The following OTOA variants were observed in gnomAD, a reference collection of about 807,000 sequenced individuals.
OTOA encodes the protein cancer/testis antigen 108.
A neutral mutation model predicts 110.8 loss-of-function variants in OTOA; 70 were observed. The ratio of observed to expected loss-of-function variants is 0.63; its 90% CI spans 0.52 to 0.77. The LOEUF (loss-of-function observed/expected upper bound fraction) is 0.77. OTOA is among the 30% of genes least tolerant of loss of function. The pLI, the probability that OTOA is intolerant of heterozygous loss-of-function variation, is 0.00. For missense variants in OTOA, 917 were observed against 1,075.8 expected, an observed-to-expected ratio of 0.85 and a Z score of 2.06; for synonymous variants, 373 against 431.5, an observed-to-expected ratio of 0.86 and a Z score of 1.68.
chr16:21,756,742 T>A (rs1338427226), intron 27 of OTOA, among the ~76,000 whole-genome samples: 1 of 151,946 alleles, frequency 6.6e-6, no homozygotes, highest in Non-Finnish European at 1.5e-5. Context: ...TCTCTTTTTT[T>A]TCCAAGAGGC....
intron 28 of OTOA, among the ~76,000 whole-genome samples, chr16:21,759,368 G>C (rs1268574574): frequency 6.6e-6 from 1 of 152,072 alleles, no homozygotes; most frequent in Admixed American, 6.5e-5. Context: ...TACTTTGGAG[G>C]GAGTTCTGTA....
chr16:21,720,911 T>TATTATTATTATC (rs1373017007), intron 17 of OTOA, among the ~76,000 whole-genome samples: 1 of 149,396 alleles, frequency 6.7e-6, no homozygotes, highest in Non-Finnish European at 1.5e-5. Flanking sequence ...TTATTATTAT[T>TATTATTATTATC]ATTATTATTA....
intron 13 of OTOA, among the ~76,000 whole-genome samples, chr16:21,710,710 A>G (rs537485910): frequency 3.3e-5 from 5 of 152,280 alleles, no homozygotes; most frequent in African/African-American, 1.2e-4. Context: ...GTGGACAACA[A>G]TAGCACTTAC....
intron 5 of OTOA, 82 bp downstream of exon 5, chr16:21,679,293 A>C: frequency 7.0e-7 from 1 of 1,437,320 alleles, no homozygotes. Flanking sequence ...AATTGTAAAA[A>C]GTAATATGTG....
chr16:21,733,187 G>A (rs1899170963), intron 21 of OTOA, among the ~76,000 whole-genome samples: 2 of 116,292 alleles, frequency 1.7e-5, no homozygotes, highest in Admixed American at 9.3e-5. Context: ...AACAAGCCTC[G>A]CCAACATGGC....
chr16:21,739,372 T>C (rs1899467480), intron 22 of OTOA, among the ~76,000 whole-genome samples: 1 of 150,978 alleles, frequency 6.6e-6, no homozygotes, highest in Non-Finnish European at 1.5e-5. Context: ...TAGGGAGGGA[T>C]GGGTCTTTAG....
intron 13 of OTOA, 52 bp from the exon 14 acceptor site, chr16:21,714,933 G>A: frequency 6.2e-7 from 1 of 1,611,586 alleles, no homozygotes; most frequent in Non-Finnish European, 8.5e-7. Flanking sequence ...GTGCACGTTG[G>A]AGAGGTGAAA....
intron 1 of OTOA, among the ~76,000 whole-genome samples, chr16:21,671,352 C>G (rs1013818155): frequency 3.3e-5 from 5 of 151,762 alleles, no homozygotes; most frequent in African/African-American, 1.2e-4. Context: ...TTTGGGAGGC[C>G]AAAGTGGGTG....
At chr16:21,685,398 C>A in intron 7 of OTOA, 37 bp downstream of exon 7, 1 of 1,604,576 alleles carries the variant, frequency 6.2e-7, no homozygotes, top group South Asian at 1.1e-5. Flanking sequence ...TAGAGGAAGT[C>A]CAGCACCACG....
In OTOA at chr16:21,730,828, T is replaced by C; in HGVS notation, c.2208-9T>C. The C allele has an allele frequency of 2.0e-6, 3 of 1,498,820 alleles. No homozygotes were observed. Among genetic ancestry groups the C allele is most frequent in the Non-Finnish European group, 2.8e-6 (3 of 1,082,034 alleles). 92.8% of individuals were successfully genotyped at this position (1,498,820 alleles called of 1,614,324 possible). A position where few individuals can be genotyped will look rare whatever the true frequency, so the allele number is the denominator to read the frequency against. ...TTTTTTCACTTTACTGGTTATTATC[T>C]CTTTTTAGACTCCCTCAGCACTGGA... On this transcript the variant is annotated splice_polypyrimidine_tract_variant and intron_variant, in intron 20 of 28. Coordinates refer to ENST00000646100, the MANE Select transcript of OTOA (RefSeq NM_144672.4).
At chr16:21,721,259 A>T in intron 17 of OTOA, 1 of 452,948 alleles carries the variant, frequency 2.2e-6, no homozygotes, top group East Asian at 7.0e-5. Context: ...ACACACACAC[A>T]CACACACACA....
chr16:21,760,408 G>C (rs1379726037), intron 28 of OTOA, 62 bp from the exon 29 acceptor site: 1 of 1,298,540 alleles, frequency 7.7e-7, no homozygotes, highest in Non-Finnish European at 1.1e-6. Flanking sequence ...TGGACATCAT[G>C]TGTCTACCTT....
At chr16:21,695,887 A>ATTTTTTTTTTTTTTT (rs1205590889) in intron 9 of OTOA, among the ~76,000 whole-genome samples, 2 of 61,646 alleles carry the variant, frequency 3.2e-5, no homozygotes, top group Non-Finnish European at 5.6e-5. Context: ...ATATATATAT[A>ATTTTTTTTTTTTTTT]TATATTTTTT....
Position 21,695,866 on chromosome 16 carries a change from G to GATATATAT in OTOA, c.740-1890_740-1883dup, listed in dbSNP as rs71151648. Among the ~76,000 whole-genome samples the GATATATAT allele has an allele frequency of 1.1e-3, 77 of 72,708 alleles. 3 individuals are homozygous for GATATATAT. In the East Asian group the frequency reaches 0.017, roughly 16 times the overall value. 47.7% of individuals were successfully genotyped at this position (72,708 alleles called of 152,430 possible). A position where few individuals can be genotyped will look rare whatever the true frequency, so the allele number is the denominator to read the frequency against. ...ACTTGAAGTCTGATCCTAGACTTGA[G>GATATATAT]ATATATATATATATATATATATATA... On this transcript the variant is annotated intron_variant, in intron 9 of 28. Coordinates refer to ENST00000646100, the MANE Select transcript of OTOA (RefSeq NM_144672.4).
chr16:21,676,518 G>A (rs1358469643), intron 1 of OTOA, among the ~76,000 whole-genome samples: 1 of 152,112 alleles, frequency 6.6e-6, no homozygotes, highest in Non-Finnish European at 1.5e-5. Context: ...TGCCCAATGT[G>A]TTTGGAGGTT....
intron 5 of OTOA, among the ~76,000 whole-genome samples, chr16:21,679,646 C>T (rs1281804095): frequency 6.6e-6 from 1 of 152,154 alleles, no homozygotes; most frequent in Non-Finnish European, 1.5e-5. Context: ...CTCAGGTGAT[C>T]TGCCGGCCTC....
intron 9 of OTOA, among the ~76,000 whole-genome samples, chr16:21,694,164 G>A (rs78671256): frequency 0.014 from 2,185 of 152,176 alleles, 61 homozygotes; most frequent in African/African-American, 0.05. Context: ...AAGCAGGCAG[G>A]GTGCAGTGGC....
At chr16:21,694,434 C>T (rs541105555) in intron 9 of OTOA, among the ~76,000 whole-genome samples, 2 of 152,122 alleles carry the variant, frequency 1.3e-5, no homozygotes, top group Admixed American at 6.6e-5. Flanking sequence ...CAGAGCGAGA[C>T]CTTGTCTCTA....
At chr16:21,702,146 C>T (rs191219909) in intron 11 of OTOA, among the ~76,000 whole-genome samples, 73 of 149,718 alleles carry the variant, frequency 4.9e-4, no homozygotes, top group Middle Eastern at 3.7e-3. Context: ...GACTGGGTTT[C>T]GCCATGTTGG....
Sources: gnomAD v4.1 joint callset for allele counts (sites outside exome capture counted in the v4.1 genomes callset) on GRCh38, gnomAD v4.1.1 for gene constraint, MANE v1.5 for transcripts, NCBI Gene and HGNC (gene_info 2026-07-23, HGNC 2026-07-21) for gene names.